Variants in MYLK observed in about 807,000 individuals in gnomAD.
MYLK encodes the protein myosin light chain kinase.
MYLK carries 106 observed loss-of-function variants against 203.4 expected under a neutral mutation model. The ratio of observed to expected loss-of-function variants is 0.52; its 90% confidence interval spans 0.45 to 0.61. The LOEUF (loss-of-function observed/expected upper bound fraction) is 0.61. Ranked by LOEUF, MYLK falls within the 20% of genes least tolerant of loss-of-function variation. The pLI is 0.00. For synonymous variants in MYLK, 867 were observed against 959.5 expected (o/e 0.90, Z 1.78); for missense variants, 2,072 against 2,442.3 (o/e 0.85, Z 3.20).
chr3:123,844,945 A>T (rs914905660), intron 2 of MYLK, among the ~76,000 whole-genome samples: 4 of 151,404 alleles, frequency 2.6e-5, no homozygotes, highest in Non-Finnish European at 5.9e-5. Context: ...GGCCTCAAGC[A>T]ATCCTCCTGC....
In MYLK at chr3:123,700,872, C is replaced by T. The variant is rs587782966; in HGVS notation, c.2596G>A (p.Gly866Ser). ...TTCAGCACCCCTCGCACGTCCTCGC[C>T]GTCTTCCTCCTCTAGCCAACCCTGC... ...RGQGWLEEEDGEDVRGVLKRR... is the reference protein window; with the variant it reads ...RGQGWLEEEDSEDVRGVLKRR... The change falls in exon 18 of 34, where the codon GGC becomes AGC. Residue 866 changes from glycine to serine, a missense_variant. Gly to Ser is a moderately conservative substitution (Grantham distance 56). Coordinates refer to ENST00000360304, the MANE Select transcript of MYLK (RefSeq NM_053025.4). The T allele has an allele frequency of 1.5e-5, 24 of 1,613,338 alleles. No homozygotes were observed. Among genetic ancestry groups the T allele is most frequent in the Middle Eastern group, 1.6e-4 (1 of 6,084 alleles).
chr3:123,682,235 A>G lies in MYLK; in HGVS notation c.3641T>C (p.Leu1214Pro). 1 of 1,600,674 alleles carries G rather than the reference A, an allele frequency of 6.2e-7. No homozygotes were observed. Among genetic ancestry groups the G allele is most frequent in the South Asian group, 1.1e-5 (1 of 87,898 alleles). ...GGGCGAGTACTCACTCTCAGTTCCT[A>G]GCACGGGAGGAAGAGAGCTCTTGGG... ...RRPKSSLPPV[L>P]GTESDATVKK... The change falls in exon 20 of 34, where the codon CTA becomes CCA. Residue 1214 changes from leucine (L) to proline (P), a missense_variant. Physicochemically the swap from Leu to Pro is moderately conservative, Grantham distance 98 (BLOSUM62 -3). Coordinates refer to ENST00000360304, the MANE Select transcript of MYLK (RefSeq NM_053025.4).
At chr3:123,641,584 C>G (rs1461776848) in intron 27 of MYLK, among the ~76,000 whole-genome samples, 1 of 151,754 alleles carries the variant, frequency 6.6e-6, no homozygotes, top group Non-Finnish European at 1.5e-5. Context: ...GGAGCCCAAG[C>G]TGGTCTGGAA....
At chr3:123,804,823 T>C (rs1394235589) in intron 3 of MYLK, among the ~76,000 whole-genome samples, 2 of 152,048 alleles carry the variant, frequency 1.3e-5, no homozygotes, top group Non-Finnish European at 2.9e-5. Flanking sequence ...AAACATTAGC[T>C]CTGTGACTCA....
chr3:123,648,920 C>T lies in MYLK; in HGVS notation c.4415+51G>A, dbSNP rs1237887112. On this transcript the variant is annotated intron_variant, in intron 26 of 33. Transcript: ENST00000360304. This position sits in a 1 kb window ranked among gnomAD's most constrained non-coding sequence, Gnocchi z 4.5. ...GAGGCACTGAATCTAACTGTGAGAC[C>T]CGCACCACCCTCACCCTGGGAGCCC... 3.3e-6 allele frequency: 5 copies of T among 1,513,670 alleles called. No homozygotes were observed. The highest frequency in any genetic ancestry group is 1.7e-5 in the Admixed American group (1 of 59,862). The allele number at this position is 1,513,670 out of a possible 1,614,324, so 93.8% of individuals were successfully genotyped here. A position where few individuals can be genotyped will look rare whatever the true frequency, so the allele number is the denominator to read the frequency against.
intron 4 of MYLK, among the ~76,000 whole-genome samples, chr3:123,792,203 G>A (rs2049911707): frequency 6.6e-6 from 1 of 152,190 alleles, no homozygotes; most frequent in South Asian, 2.1e-4. Context: ...CTCCATATTT[G>A]TTTGACTTGA....
At chr3:123,692,448 G>A in intron 19 of MYLK, 2 of 1,214,422 alleles carry the variant, frequency 1.6e-6, no homozygotes, top group Non-Finnish European at 2.1e-6. Context: ...CAGTGCCCCA[G>A]CTTCCCAGCT....
chr3:123,657,510 G>A (rs1032604521), intron 23 of MYLK, 82 bp from the exon 24 acceptor site: 1 of 1,437,332 alleles, frequency 7.0e-7, no homozygotes, highest in Admixed American at 1.9e-5. Flanking sequence ...GTGTCATGGG[G>A]GGAAGGCAGC....
intron 4 of MYLK, among the ~76,000 whole-genome samples, chr3:123,770,713 C>G (rs895670112): frequency 3.9e-5 from 6 of 152,152 alleles, no homozygotes; most frequent in African/African-American, 1.4e-4. Context: ...TCTATTTAGC[C>G]TGGAGTAAAA....
intron 4 of MYLK, among the ~76,000 whole-genome samples, chr3:123,755,506 T>C (rs570623199): frequency 6.6e-6 from 1 of 152,364 alleles, no homozygotes; most frequent in Admixed American, 6.5e-5. Flanking sequence ...TTATAGCACA[T>C]TGGACCTGAA....
rs554528739 is a variant in MYLK at position 123,667,388 on chromosome 3, G to A, written c.3653-201C>T. 2.6e-5 allele frequency among the ~76,000 whole-genome samples: 4 copies of A among 152,166 alleles called. No individual in the cohort carries two copies. The East Asian group carries it at 7.7e-4, about 29-fold the overall frequency. ...AGGCCGAGGCAGGTGGACCACTAGAGGTCAGGAGTTTGAGACCAGCCTGGC... is the reference window on the plus strand; with the variant it reads ...AGGCCGAGGCAGGTGGACCACTAGAAGTCAGGAGTTTGAGACCAGCCTGGC... On this transcript the variant is annotated intron_variant, in intron 20 of 33. Transcript: ENST00000360304.
At chr3:123,724,051 A>C (rs1350172738) in intron 12 of MYLK, among the ~76,000 whole-genome samples, 1 of 148,922 alleles carries the variant, frequency 6.7e-6, no homozygotes, top group Non-Finnish European at 1.5e-5. Flanking sequence ...TGTATTGTCT[A>C]TTCTTTTACT....
intron 4 of MYLK, among the ~76,000 whole-genome samples, chr3:123,761,218 T>C (rs1024703193): frequency 1.3e-5 from 2 of 152,182 alleles, no homozygotes; most frequent in Non-Finnish European, 2.9e-5. Context: ...GATTGTTCTG[T>C]CTTATTCTCT....
chr3:123,766,199 T>TAATA (rs2063696592), intron 4 of MYLK, among the ~76,000 whole-genome samples: 1 of 152,262 alleles, frequency 6.6e-6, no homozygotes, highest in Non-Finnish European at 1.5e-5. Flanking sequence ...CACTGCCTTA[T>TAATA]AATAAATAAA....
intron 19 of MYLK, among the ~76,000 whole-genome samples, chr3:123,683,702 A>C (rs1179381501): frequency 6.6e-6 from 1 of 152,172 alleles, no homozygotes; most frequent in Non-Finnish European, 1.5e-5. Flanking sequence ...GCTCAGAAGC[A>C]GACAGGCCTC....
chr3:123,770,911 T>C (rs978787693), intron 4 of MYLK, among the ~76,000 whole-genome samples: 13 of 152,166 alleles, frequency 8.5e-5, no homozygotes, highest in Admixed American at 2.6e-4. Context: ...TGTGACACGG[T>C]AGATCCCCGT....
At chr3:123,669,264 G>A (rs546552061) in intron 20 of MYLK, among the ~76,000 whole-genome samples, 19 of 152,238 alleles carry the variant, frequency 1.2e-4, no homozygotes, top group African/African-American at 3.6e-4. Context: ...TGATCCATCC[G>A]TCCATCTCCA....
At chr3:123,734,950 T>C (rs2062622393) in intron 9 of MYLK, 1 of 269,656 alleles carries the variant, frequency 3.7e-6, no homozygotes, top group Admixed American at 4.4e-5. Context: ...GCATCCCAGT[T>C]GGTAATGTGC....
Position 123,692,739 on chromosome 3 carries a change from C to T in MYLK, c.3561G>A (p.Val1187=), listed in dbSNP as rs376658664. The stretch of plus-strand genomic sequence containing the variant: ...CGATGGGTGGGCACGACCTACCATC[C>T]ACGGTGACTTGGCAGGAGCACTCCG... ...GQAECSCQVT[V]DDAPASENTK... is the part of the protein sequence containing the mutation. The change falls in exon 19 of 34, where the codon GTG becomes GTA. Residue 1187 remains valine (V), a synonymous_variant. Transcript: ENST00000360304. 11 of 1,612,942 alleles carry T rather than the reference C, an allele frequency of 6.8e-6. No individual in the cohort carries two copies. In the Admixed American group the frequency reaches 1.7e-4, roughly 24 times the overall value.
Sources: allele counts gnomAD v4.1 joint callset (sites outside exome capture counted in the v4.1 genomes callset), GRCh38; gene constraint gnomAD v4.1.1; non-coding constraint Gnocchi (gnomAD v3.1); transcripts MANE v1.5; gene names NCBI Gene and HGNC (gene_info 2026-07-23, HGNC 2026-07-21).